The following CNTNAP2 variants were observed in gnomAD, a reference collection of about 807,000 sequenced individuals.
CNTNAP2 encodes the protein contactin associated protein 2, also known as contactin-associated protein-like 2.
Under a neutral mutation model 155.2 loss-of-function variants are expected in CNTNAP2, and 98 were observed. The observed-to-expected ratio is 0.63, with a 90% confidence interval of 0.54 to 0.75. The LOEUF (loss-of-function observed/expected upper bound fraction) is 0.75. Among genes scored for constraint, CNTNAP2 ranks in the 30% least tolerant of loss-of-function variants. The pLI is 0.00. For synonymous variants in CNTNAP2, 651 were observed against 631.2 expected, an observed-to-expected ratio of 1.03 and a Z score of -0.47; for missense variants, 1,727 against 1,688.1, an observed-to-expected ratio of 1.02 and a Z score of -0.40.
intron 10 of CNTNAP2, among the ~76,000 whole-genome samples, chr7:147,482,519 C>G (rs942489813): frequency 1.3e-5 from 2 of 151,534 alleles, no homozygotes; most frequent in African/African-American, 4.9e-5. Context: ...GAGATCGAGA[C>G]CATGCTGGCT....
intron 1 of CNTNAP2, among the ~76,000 whole-genome samples, chr7:146,448,376 G>C (rs962499822): frequency 1.1e-4 from 16 of 150,878 alleles, no homozygotes; most frequent in Non-Finnish European, 1.8e-4. Context: ...TTCAGAAGGG[G>C]GATAAAGAAT....
At chr7:147,346,640 C>T (rs933021157) in intron 9 of CNTNAP2, among the ~76,000 whole-genome samples, 2 of 152,278 alleles carry the variant, frequency 1.3e-5, no homozygotes, top group East Asian at 1.9e-4. Context: ...TGTTCAGATA[C>T]AATTTTTTCA....
chr7:148,258,979 C>G (rs1054549186), intron 20 of CNTNAP2, among the ~76,000 whole-genome samples: 1 of 151,664 alleles, frequency 6.6e-6, no homozygotes, highest in African/African-American at 2.4e-5. Flanking sequence ...AGTTCAAGAC[C>G]AGCCTGGCCA....
chr7:147,945,791 G>T (rs963150624), intron 14 of CNTNAP2, among the ~76,000 whole-genome samples: 2 of 150,840 alleles, frequency 1.3e-5, no homozygotes, highest in Admixed American at 6.6e-5. Flanking sequence ...TCACCTAGGT[G>T]CCTTGGTTGC....
At chr7:147,930,491 A>G (rs1284129793) in intron 14 of CNTNAP2, among the ~76,000 whole-genome samples, 1 of 152,244 alleles carries the variant, frequency 6.6e-6, no homozygotes, top group Non-Finnish European at 1.5e-5. Context: ...AGGACACTAT[A>G]TAATAATAAT....
At chr7:146,133,973 G>T (rs1353375628) in intron 1 of CNTNAP2, among the ~76,000 whole-genome samples, 1 of 150,266 alleles carries the variant, frequency 6.7e-6, no homozygotes, top group Non-Finnish European at 1.5e-5. Context: ...AGCTTGATGG[G>T]GATGGCATTG....
chr7:147,144,459 A>G (rs1182268033), intron 8 of CNTNAP2, among the ~76,000 whole-genome samples: 1 of 152,120 alleles, frequency 6.6e-6, no homozygotes, highest in Non-Finnish European at 1.5e-5. Context: ...CACTTTTACC[A>G]CGTATTCTTT....
At chr7:146,651,631 A>G (rs1458412155) in intron 1 of CNTNAP2, among the ~76,000 whole-genome samples, 2 of 152,148 alleles carry the variant, frequency 1.3e-5, no homozygotes, top group Non-Finnish European at 2.9e-5. Context: ...AGAAACTGTT[A>G]TCTGTATAGT....
chr7:148,075,641 C>T (rs956558032), intron 15 of CNTNAP2, among the ~76,000 whole-genome samples: 2 of 152,100 alleles, frequency 1.3e-5, no homozygotes, highest in African/African-American at 4.8e-5. Context: ...AAAATTATAA[C>T]TTTTAAAGAG....
chr7:147,694,451 T>G (rs1285410976), intron 13 of CNTNAP2, among the ~76,000 whole-genome samples: 1 of 152,160 alleles, frequency 6.6e-6, no homozygotes, highest in Non-Finnish European at 1.5e-5. Flanking sequence ...TGGTAAAATT[T>G]ACCAATAAGT....
chr7:148,357,037 C>T (rs1798530813), intron 21 of CNTNAP2, among the ~76,000 whole-genome samples: 1 of 152,152 alleles, frequency 6.6e-6, no homozygotes, highest in African/African-American at 2.4e-5. Context: ...CAATATCCAT[C>T]CCTAGTACTT....
In CNTNAP2 at chr7:147,775,323, T is replaced by TTA. The variant is rs1432157557; in HGVS notation, c.2099-128234_2099-128233dup. Among the ~76,000 whole-genome samples the TTA allele has an allele frequency of 2.9e-3, 86 of 29,740 alleles. 6 individuals carry two copies. In the African/African-American group the frequency reaches 0.035, roughly 12 times the overall value. 19.5% of individuals were successfully genotyped at this position (29,740 alleles called of 152,430 possible). On this transcript the variant is annotated intron_variant, in intron 13 of 23. Transcript: ENST00000361727. ...TATATATTTATAAATATATATATAT[T>TTA]TATATATATTTATAAATATATATAT...
chr7:147,204,965 C>G (rs945662534), intron 8 of CNTNAP2, among the ~76,000 whole-genome samples: 1 of 152,036 alleles, frequency 6.6e-6, no homozygotes. Flanking sequence ...TCTGGGTGCT[C>G]TATTCTGTTC....
intron 15 of CNTNAP2, among the ~76,000 whole-genome samples, chr7:148,076,748 C>G (rs747672618): frequency 9.2e-5 from 14 of 152,116 alleles, no homozygotes; most frequent in Admixed American, 1.3e-4. Flanking sequence ...CGGCCGATAG[C>G]TCTGACTTCT....
At chr7:146,117,647 G>C (rs1797505441) in intron 1 of CNTNAP2, among the ~76,000 whole-genome samples, 1 of 152,070 alleles carries the variant, frequency 6.6e-6, no homozygotes, top group Non-Finnish European at 1.5e-5. Flanking sequence ...AGGGTTTTCA[G>C]GAAAATAATT....
chr7:147,381,120 C>A (rs1796527563), intron 9 of CNTNAP2, among the ~76,000 whole-genome samples: 1 of 152,118 alleles, frequency 6.6e-6, no homozygotes, highest in South Asian at 2.1e-4. Flanking sequence ...GCTGATTGAG[C>A]AGCTGCTGGG....
At chr7:147,873,576 C>T (rs925766525) in intron 13 of CNTNAP2, among the ~76,000 whole-genome samples, 76 of 152,256 alleles carry the variant, frequency 5.0e-4, no homozygotes, top group African/African-American at 1.8e-3. Flanking sequence ...CAGGGTCCCT[C>T]CCACAACACA....
At position 146,707,343 on chromosome 7, in the gene CNTNAP2, C is replaced by CT. The variant is rs1486950514; in HGVS notation, c.98-66926dup. On this transcript the variant is annotated intron_variant, in intron 1 of 23. Coordinates refer to ENST00000361727, the MANE Select transcript of CNTNAP2 (RefSeq NM_014141.6). ...TGGGCATGGGGCCTCACTCCATTGT[C>CT]TTCAGTATAACCTTCATTATAATAC... Among the ~76,000 whole-genome samples, 3 of 152,176 alleles carry CT rather than the reference C, an allele frequency of 2.0e-5. No homozygotes were observed. The East Asian group carries it at 5.8e-4, about 29-fold the overall frequency.
At chr7:146,744,162 A>C (rs1050629398) in intron 1 of CNTNAP2, among the ~76,000 whole-genome samples, 4 of 137,000 alleles carry the variant, frequency 2.9e-5, no homozygotes, top group Admixed American at 8.2e-5. Flanking sequence ...TGGGGGGAAG[A>C]GGTTGCAGTG....
Sources: allele counts gnomAD v4.1 joint callset (sites outside exome capture counted in the v4.1 genomes callset), GRCh38; gene constraint gnomAD v4.1.1; transcripts MANE v1.5; gene names NCBI Gene and HGNC (gene_info 2026-07-23, HGNC 2026-07-21).